TANC1: variants seen among roughly 807,000 people sequenced by gnomAD.
TANC1 encodes the protein protein TANC1.
In TANC1, 77 loss-of-function variants were observed where a neutral mutation model predicts 149.7. That is an observed-to-expected ratio of 0.51 (90% confidence interval 0.43 to 0.62). The LOEUF (loss-of-function observed/expected upper bound fraction) is 0.62. Among genes scored for constraint, TANC1 ranks in the 20% least tolerant of loss-of-function variants. The pLI is 0.00. For synonymous variants in TANC1, 854 were observed against 925.0 expected (o/e 0.92, Z 1.39); for missense variants, 1,985 against 2,321.8 (o/e 0.85, Z 2.98).
At chr2:158,995,140 C>A (rs558792957) in intron 1 of TANC1, among the ~76,000 whole-genome samples, 8 of 152,308 alleles carry the variant, frequency 5.3e-5, no homozygotes, top group Non-Finnish European at 7.3e-5. Context: ...AATTCTCCCC[C>A]ACCTGTTACA....
At chr2:159,209,631 C>T (rs1394326664) in intron 19 of TANC1, among the ~76,000 whole-genome samples, 1 of 152,124 alleles carries the variant, frequency 6.6e-6, no homozygotes, top group African/African-American at 2.4e-5. Context: ...CACTTAGAGT[C>T]AGTTACCAAG....
rs1301566843 is a variant in TANC1, at chr2:159,174,966, A to T, written c.1517A>T (p.His506Leu). Residue 506 changes from histidine to leucine, a missense_variant, in exon 12 of 27, where the codon CAC (histidine) becomes CTC (leucine). Physicochemically the swap from His to Leu is moderately conservative, Grantham distance 99. Around this residue, in one of 3 missense-constraint regions of TANC1, gnomAD observed 508 missense variants for 714.2 expected, o/e 0.71. Coordinates refer to ENST00000263635, the MANE Select transcript of TANC1 (RefSeq NM_033394.3). ...GCTTCCCCCTAGGTGGTGGCCTACC[A>T]CTACTGCCAGGCTGACAACACGTAC... ...KYLASKVVAYHYCQADNTYTC... is the reference protein window; with the variant it reads ...KYLASKVVAYLYCQADNTYTC... 6.2e-7 allele frequency: 1 copy of T among 1,613,892 alleles called. No homozygotes were observed. The highest frequency in any genetic ancestry group is 2.2e-5 in the East Asian group (1 of 44,882).
rs186757505 is a variant in TANC1, at chr2:159,088,698, T to A, written c.62-8939T>A. 1.4e-3 allele frequency among the ~76,000 whole-genome samples: 211 copies of A among 152,294 alleles called. 1 individual carries two copies. The highest frequency in any genetic ancestry group is 3.4e-3 in the Middle Eastern group (1 of 294). On this transcript the variant is annotated intron_variant, in intron 3 of 26. Coordinates refer to ENST00000263635, the MANE Select transcript of TANC1 (RefSeq NM_033394.3). ...TATGAGACTTTTTTTGTGACTTTTT[T>A]AAAAAACTCATCGGCTATCATTAGT... is the stretch of plus-strand genomic sequence containing the variant.
chr2:159,170,653 G>A lies in TANC1; in HGVS notation c.1199G>A (p.Arg400Lys). Residue 400 changes from arginine (R) to lysine (K), a missense_variant, in exon 10 of 27, where the codon AGG (arginine) becomes AAG (lysine). By Grantham distance (26) the Arg-to-Lys change is conservative. Around this residue, in one of 3 missense-constraint regions of TANC1, gnomAD observed 557 missense variants for 612.9 expected, o/e 0.91. Coordinates refer to ENST00000263635, the MANE Select transcript of TANC1 (RefSeq NM_033394.3). The part of the protein sequence containing the change: ...WLFHQIEENL[R>K]NTELAENRGA... Reference sequence around the variant, plus strand: ...TTTCACCAGATAGAAGAAAACTTGAGGAACACAGAACTGGCAGAAAACAGA... The same window carrying A: ...TTTCACCAGATAGAAGAAAACTTGAAGAACACAGAACTGGCAGAAAACAGA... 1 of 1,614,154 alleles carries A rather than the reference G, an allele frequency of 6.2e-7. No homozygotes were observed. The highest frequency in any genetic ancestry group is 8.5e-7 in the Non-Finnish European group (1 of 1,180,042).
chr2:159,122,394 A>G (rs1462976843), intron 4 of TANC1, among the ~76,000 whole-genome samples: 2 of 152,154 alleles, frequency 1.3e-5, no homozygotes, highest in East Asian at 1.9e-4. Context: ...GGGTATCACT[A>G]TTATCATTGA....
chr2:159,112,201 A>T (rs547187505), intron 4 of TANC1, among the ~76,000 whole-genome samples: 1 of 152,248 alleles, frequency 6.6e-6, no homozygotes, highest in East Asian at 1.9e-4. Context: ...TAGGCATGCA[A>T]AATATTCTCA....
At chr2:159,061,052 G>T (rs1042286180) in intron 2 of TANC1, among the ~76,000 whole-genome samples, 2 of 152,154 alleles carry the variant, frequency 1.3e-5, no homozygotes, top group Non-Finnish European at 1.5e-5. Context: ...CTTCTGGGGG[G>T]CTTAAAAGAA....
intron 4 of TANC1, among the ~76,000 whole-genome samples, chr2:159,120,594 T>A (rs1221408092): frequency 2.0e-5 from 3 of 152,124 alleles, no homozygotes; most frequent in African/African-American, 4.8e-5. Context: ...TTTAAAAAAA[T>A]TTTAATTATT....
At chr2:159,132,412 T>G (rs2050194420) in intron 4 of TANC1, among the ~76,000 whole-genome samples, 1 of 152,130 alleles carries the variant, frequency 6.6e-6, no homozygotes, top group Non-Finnish European at 1.5e-5. Flanking sequence ...TTGCTCACCT[T>G]TAGGGTCTGG....
chr2:159,194,210 T>C, intron 16 of TANC1, 47 bp from the exon 17 acceptor site: 1 of 1,491,924 alleles, frequency 6.7e-7, no homozygotes, highest in Non-Finnish European at 9.3e-7. Context: ...CAGAAATGTT[T>C]AGATGACATA....
In TANC1 at chr2:159,163,391, G is replaced by T. The variant is rs201686520; in HGVS notation, c.791G>T (p.Arg264Leu). The T allele has an allele frequency of 7.4e-6, 12 of 1,614,198 alleles. No homozygotes were observed. The highest frequency in any genetic ancestry group is 1.7e-5 in the Admixed American group (1 of 60,026). The change falls in exon 8 of 27, where the codon CGC becomes CTC. Residue 264 changes from arginine to leucine, a missense_variant. Arg to Leu is a moderately radical substitution (Grantham distance 102). This residue lies in a region of TANC1 where 557 missense variants were observed against 612.9 expected (regional missense o/e 0.91). Transcript: ENST00000263635. ...GTTCAGAAGGGAGTGCTTCATGACCGCAGGGCAGATAACTGCTCCCCAGTG... is the reference window on the plus strand; with the variant it reads ...GTTCAGAAGGGAGTGCTTCATGACCTCAGGGCAGATAACTGCTCCCCAGTG... ...LGVQKGVLHD[R>L]RADNCSPVAE...
At chr2:159,208,566 G>A (rs566569652) in intron 19 of TANC1, among the ~76,000 whole-genome samples, 2 of 152,240 alleles carry the variant, frequency 1.3e-5, no homozygotes, top group Admixed American at 6.5e-5. Context: ...TAGATAGCTC[G>A]GTGAAAATGG....
chr2:159,022,322 C>T (rs1243605749), intron 2 of TANC1, among the ~76,000 whole-genome samples: 3 of 152,180 alleles, frequency 2.0e-5, no homozygotes, highest in Admixed American at 1.3e-4. Context: ...GTATGGGGTA[C>T]ACACCAGCGT....
At chr2:159,188,004 T>G (rs2057140634) in intron 16 of TANC1, among the ~76,000 whole-genome samples, 1 of 152,208 alleles carries the variant, frequency 6.6e-6, no homozygotes, top group South Asian at 2.1e-4. Context: ...CTCCTGAGAT[T>G]ATAAACTTTG....
At chr2:159,185,191 A>G (rs897734970) in intron 14 of TANC1, among the ~76,000 whole-genome samples, 4 of 152,220 alleles carry the variant, frequency 2.6e-5, no homozygotes, top group Non-Finnish European at 5.9e-5. Flanking sequence ...GCTCAAAGGC[A>G]TGGGATCCAC....
At chr2:159,015,586 AG>A (rs899483838) in intron 2 of TANC1, among the ~76,000 whole-genome samples, 3 of 152,192 alleles carry the variant, frequency 2.0e-5, no homozygotes, top group Non-Finnish European at 2.9e-5. Context: ...TTGCATTGTC[AG>A]GTTGCAAATT....
intron 3 of TANC1, among the ~76,000 whole-genome samples, chr2:159,080,137 C>T (rs1229182260): frequency 6.6e-6 from 1 of 152,154 alleles, no homozygotes; most frequent in Non-Finnish European, 1.5e-5. Context: ...CGAGCTAAGT[C>T]CCAGGGCATC....
chr2:159,166,472 T>G (rs1191444089), intron 8 of TANC1, among the ~76,000 whole-genome samples: 3 of 151,102 alleles, frequency 2.0e-5, no homozygotes, highest in Non-Finnish European at 3.0e-5. Context: ...TTAGATATGG[T>G]GTGTGTGTGT....
intron 5 of TANC1, among the ~76,000 whole-genome samples, chr2:159,146,536 CTTTT>C (rs35745470): frequency 1.0e-4 from 8 of 78,372 alleles, no homozygotes; most frequent in Non-Finnish European, 1.5e-4. Context: ...GTCCCTTTTC[CTTTT>C]TTTTTTTTTT....
Sources: gnomAD v4.1 joint callset for allele counts (sites outside exome capture counted in the v4.1 genomes callset) on GRCh38, gnomAD v4.1.1 for gene constraint, gnomAD v4.1.1 regional missense constraint, MANE v1.5 for transcripts, NCBI Gene and HGNC (gene_info 2026-07-23, HGNC 2026-07-21) for gene names.